Variants in NEK6 observed in about 807,000 individuals in gnomAD.
NEK6 encodes serine/threonine-protein kinase Nek6.
NEK6 carries 27 observed loss-of-function variants against 43.5 expected under a neutral mutation model. The observed-to-expected ratio is 0.62, with a 90% CI of 0.46 to 0.86. NEK6 has a LOEUF of 0.86. NEK6 is among the 40% of genes least tolerant of loss of function. The pLI, the probability that NEK6 is intolerant of heterozygous loss-of-function variation, is 0.00. For missense variants in NEK6, 318 were observed against 414.4 expected (o/e 0.77, Z 2.02); for synonymous variants, 167 against 164.1 (o/e 1.02, Z -0.14).
intron 8 of NEK6, among the ~76,000 whole-genome samples, chr9:124,339,967 T>C (rs1829509555): frequency 6.6e-6 from 1 of 152,182 alleles, no homozygotes; most frequent in East Asian, 1.9e-4. Context: ...CCCGTCGCCC[T>C]GGTAACCACA....
At chr9:124,260,193 A>G (rs1182636100) in intron 1 of NEK6, among the ~76,000 whole-genome samples, 1 of 152,050 alleles carries the variant, frequency 6.6e-6, no homozygotes, top group Non-Finnish European at 1.5e-5. Context: ...TTTCCATTGC[A>G]CTTGGGATAT....
intron 1 of NEK6, among the ~76,000 whole-genome samples, chr9:124,262,633 G>A (rs1831077183): frequency 6.6e-6 from 1 of 152,248 alleles, no homozygotes; most frequent in Admixed American, 6.5e-5. Flanking sequence ...CACCACCGCT[G>A]TAGCTGTGGC....
intron 1 of NEK6, among the ~76,000 whole-genome samples, chr9:124,278,170 T>C (rs1831725565): frequency 6.6e-6 from 1 of 152,144 alleles, no homozygotes. Flanking sequence ...GCGGTACAGG[T>C]GTGTAGCCCA....
chr9:124,279,459 G>A (rs147126083), intron 1 of NEK6, among the ~76,000 whole-genome samples: 2,076 of 152,126 alleles, frequency 0.014, 45 homozygotes, highest in African/African-American at 0.048. Flanking sequence ...ACACCACAAC[G>A]CCTGGCTAAT....
intron 1 of NEK6, among the ~76,000 whole-genome samples, chr9:124,273,619 G>A (rs150705461): frequency 2.1e-4 from 32 of 152,248 alleles, no homozygotes; most frequent in Admixed American, 1.4e-3. Flanking sequence ...CCGTCCCACC[G>A]TTGGCAAGCA....
At chr9:124,344,021 G>A (rs1397748084) in intron 8 of NEK6, among the ~76,000 whole-genome samples, 3 of 152,194 alleles carry the variant, frequency 2.0e-5, no homozygotes, top group African/African-American at 4.8e-5. Flanking sequence ...CCTTCTGGAC[G>A]TTCTGGGGGC....
chr9:124,315,398 G>A (rs940028167), intron 4 of NEK6, among the ~76,000 whole-genome samples: 4 of 152,202 alleles, frequency 2.6e-5, no homozygotes, highest in African/African-American at 4.8e-5. Context: ...GCTGCAAGTC[G>A]GGGGGCCATG....
intron 4 of NEK6, among the ~76,000 whole-genome samples, chr9:124,315,331 T>C (rs1327486151): frequency 4.6e-5 from 7 of 152,042 alleles, no homozygotes; most frequent in Non-Finnish European, 1.0e-4. Flanking sequence ...GACAGAAGGC[T>C]GGACATGGCA....
Position 124,345,805 on chromosome 9 carries a change from GCTCT to G in NEK6, c.718-1901_718-1898del, listed in dbSNP as rs540179909. ...AGGTGACCGTCCTGGAGTCTCAGCT[GCTCT>G]CTGTTATGGCAACAGATGTCCTTTG... On this transcript the variant is annotated intron_variant, in intron 8 of 9. Coordinates refer to ENST00000320246, the MANE Select transcript of NEK6 (RefSeq NM_014397.6). 4.1e-3 allele frequency among the ~76,000 whole-genome samples: 624 copies of G among 152,318 alleles called. 2 individuals carry two copies. The highest frequency in any genetic ancestry group is 0.014 in the African/African-American group (590 of 41,578).
chr9:124,339,580 CCTA>C lies in NEK6; in HGVS notation c.637_639del (p.Tyr213del). On this transcript the variant is annotated inframe_deletion, in exon 8 of 10. Coordinates refer to ENST00000320246, the MANE Select transcript of NEK6 (RefSeq NM_014397.6). ...CCTTGCTGTGTTGCAGTGGGGACGC[CCTA>C]CTACATGTCACCGGAGAGGATCCAT... 1 of 1,613,902 alleles carries C rather than the reference CCTA, an allele frequency of 6.2e-7. No homozygotes were observed. Among genetic ancestry groups the C allele is most frequent in the Non-Finnish European group, 8.5e-7 (1 of 1,179,820 alleles).
intron 1 of NEK6, among the ~76,000 whole-genome samples, chr9:124,281,796 G>A (rs1450378148): frequency 3.3e-5 from 5 of 152,298 alleles, no homozygotes; most frequent in South Asian, 2.1e-4. Flanking sequence ...ACCACACCCG[G>A]CCTGTCCTTT....
intron 8 of NEK6, among the ~76,000 whole-genome samples, chr9:124,341,955 C>G (rs896991092): frequency 6.6e-6 from 1 of 152,090 alleles, no homozygotes; most frequent in Non-Finnish European, 1.5e-5. Context: ...GGGGAAAGCC[C>G]CGGGTGTGGA....
chr9:124,327,008 T>C (rs570648219), intron 6 of NEK6, among the ~76,000 whole-genome samples: 18 of 152,242 alleles, frequency 1.2e-4, no homozygotes, highest in African/African-American at 4.3e-4. Flanking sequence ...TTACGCAGAT[T>C]TTCCCTGAGG....
chr9:124,297,753 G>A (rs1422203741), intron 1 of NEK6, among the ~76,000 whole-genome samples: 1 of 152,222 alleles, frequency 6.6e-6, no homozygotes, highest in African/African-American at 2.4e-5. Context: ...GGCAGGAGCC[G>A]CGGGATCCCG....
intron 1 of NEK6, among the ~76,000 whole-genome samples, chr9:124,269,928 C>T (rs1472242228): frequency 6.6e-6 from 1 of 152,198 alleles, no homozygotes; most frequent in Non-Finnish European, 1.5e-5. Flanking sequence ...AATCAACTGA[C>T]AGCCCTTTCA....
intron 7 of NEK6, among the ~76,000 whole-genome samples, chr9:124,337,635 CA>C (rs1187163815): frequency 6.6e-6 from 1 of 152,224 alleles, no homozygotes; most frequent in East Asian, 1.9e-4. Context: ...ACTGTGTGAA[CA>C]GACCACAGTT....
chr9:124,327,484 G>A, intron 7 of NEK6, 39 bp downstream of exon 7: 2 of 1,520,738 alleles, frequency 1.3e-6, no homozygotes, highest in East Asian at 2.3e-5. Flanking sequence ...GCCCCCAGCG[G>A]TCCTGGTGAC....
chr9:124,343,121 G>A lies in NEK6; in HGVS notation c.717+3456G>A, dbSNP rs551942515. ...AATGTGCATCTCACAAGGCAGTCCC[G>A]CCTTCGTGACTCCCTGGCATTGAGG... On this transcript the variant is annotated intron_variant, in intron 8 of 9. Coordinates refer to ENST00000320246, the MANE Select transcript of NEK6 (RefSeq NM_014397.6). This position sits in a 1 kb window ranked among gnomAD's most constrained non-coding sequence, Gnocchi z 5.1. Among the ~76,000 whole-genome samples, 47 of 152,176 alleles carry A rather than the reference G, an allele frequency of 3.1e-4. 4 individuals carry two copies. The highest frequency in any genetic ancestry group is 2.5e-3 in the South Asian group (12 of 4,814).
intron 1 of NEK6, among the ~76,000 whole-genome samples, chr9:124,277,794 G>A (rs1283130626): frequency 1.3e-5 from 2 of 152,208 alleles, no homozygotes; most frequent in African/African-American, 2.4e-5. Flanking sequence ...CAGGCAGGTC[G>A]GCGGCCACGG....
Sources: gnomAD v4.1 joint callset for allele counts (sites outside exome capture counted in the v4.1 genomes callset) on GRCh38, gnomAD v4.1.1 for gene constraint, Gnocchi (gnomAD v3.1) non-coding constraint, MANE v1.5 for transcripts, NCBI Gene and HGNC (gene_info 2026-07-23, HGNC 2026-07-21) for gene names.